The following PCDHA8 variants were observed in gnomAD, a reference collection of about 807,000 sequenced individuals.
PCDHA8 encodes the protein protocadherin alpha-8.
PCDHA8 carries 53 observed loss-of-function variants against 61.8 expected under a neutral mutation model. That is an observed-to-expected ratio of 0.86 (90% confidence interval 0.69 to 1.08). The LOEUF (loss-of-function observed/expected upper bound fraction) is 1.08. PCDHA8 is among the 50% of genes least tolerant of loss of function. PCDHA8 has a pLI of 0.00. For synonymous variants in PCDHA8, 618 were observed against 556.6 expected (o/e 1.11, Z -1.55); for missense variants, 1,293 against 1,245.0 (o/e 1.04, Z -0.58).
chr5:140,877,063 C>T (rs782051698), intron 1 of PCDHA8: 21 of 1,612,898 alleles, frequency 1.3e-5, no homozygotes, highest in East Asian at 2.2e-5. Context: ...GCTGGAGCTG[C>T]TGCAGTTCCA....
intron 1 of PCDHA8, chr5:140,858,071 C>A: frequency 6.3e-7 from 1 of 1,597,680 alleles, no homozygotes; most frequent in Non-Finnish European, 8.6e-7. Context: ...CAGCCAGGCA[C>A]CCAAGGCCTC....
intron 1 of PCDHA8, chr5:140,868,003 A>C (rs1166493353): frequency 6.6e-6 from 1 of 152,130 alleles, no homozygotes; most frequent in South Asian, 2.1e-4. Context: ...AATATAACTG[A>C]ATTAGATTAA....
At chr5:140,846,534 C>T (rs1554141358) in intron 1 of PCDHA8, among the ~76,000 whole-genome samples, 2 of 148,222 alleles carry the variant, frequency 1.3e-5, no homozygotes, top group African/African-American at 4.9e-5. Context: ...GCCACCATGC[C>T]CTGCTAATTT....
At chr5:140,883,522 A>G in intron 1 of PCDHA8, 1 of 1,614,220 alleles carries the variant, frequency 6.2e-7, no homozygotes, top group Middle Eastern at 1.7e-4. Flanking sequence ...GCGAGAGCGT[A>G]TCAGCCTATG....
chr5:140,972,978 A>G (rs1392208477), intron 1 of PCDHA8, among the ~76,000 whole-genome samples: 1 of 152,058 alleles, frequency 6.6e-6, no homozygotes, highest in African/African-American at 2.4e-5. Flanking sequence ...ACCAAATCTT[A>G]AGGTAGATTC....
Position 140,842,700 on chromosome 5 carries a change from A to G in PCDHA8, c.1379A>G (p.Tyr460Cys). Residue 460 changes from tyrosine to cysteine, a missense_variant, in exon 1 of 4, where the codon TAC (tyrosine) becomes TGC (cysteine). Tyr to Cys is a radical substitution (Grantham distance 194, BLOSUM62 -2). Transcript: ENST00000531613. ...GCTCCGGCGTTCGCGCAGCCCGAGT[A>G]CACGGTGTTCGTGAAGGAGAACAAC... The part of the protein sequence containing the change: ...DNAPAFAQPE[Y>C]TVFVKENNPP... 1 of 1,595,270 alleles carries G rather than the reference A, an allele frequency of 6.3e-7. No individual in the cohort carries two copies. Among genetic ancestry groups the G allele is most frequent in the Non-Finnish European group, 8.6e-7 (1 of 1,165,516 alleles).
intron 1 of PCDHA8, chr5:140,871,103 C>G (rs202137231): frequency 4.3e-6 from 7 of 1,613,290 alleles, no homozygotes; most frequent in South Asian, 2.2e-5. Flanking sequence ...GTGCTGGTGT[C>G]GTTGGTGGAG....
intron 1 of PCDHA8, chr5:140,969,487 T>C: frequency 6.8e-7 from 1 of 1,460,090 alleles, no homozygotes; most frequent in Non-Finnish European, 9.1e-7. Flanking sequence ...TAATCTGCTA[T>C]TTCCTCTCTA....
At chr5:140,886,615 C>A (rs1032902050) in intron 1 of PCDHA8, among the ~76,000 whole-genome samples, 2 of 152,028 alleles carry the variant, frequency 1.3e-5, no homozygotes, top group Admixed American at 1.3e-4. Flanking sequence ...ATCAGGAGAT[C>A]AGGAGTCCGA....
chr5:141,009,573 G>T, intron 3 of PCDHA8, 54 bp from the exon 4 acceptor site: 2 of 1,580,662 alleles, frequency 1.3e-6, no homozygotes, highest in South Asian at 1.2e-5. Context: ...CAGCAGTGTG[G>T]CATCAAGAGC....
chr5:140,869,577 T>C, intron 1 of PCDHA8: 2 of 1,614,188 alleles, frequency 1.2e-6, no homozygotes, highest in Non-Finnish European at 8.5e-7. Context: ...AGGGAGCTTC[T>C]GATGCTGACA....
chr5:140,857,146 C>G lies in PCDHA8; in HGVS notation c.2394+13431C>G, dbSNP rs1554149571. ...TGAAAGAAGATGCTCAAGTGGGCAC[C>G]GTCATTGCCCTAATCAGCGTTTCTG... On this transcript the variant is annotated intron_variant, in intron 1 of 3. Coordinates refer to ENST00000531613, the MANE Select transcript of PCDHA8 (RefSeq NM_018911.3). The G allele has an allele frequency of 1.9e-6, 3 of 1,598,132 alleles. 1 individual carries two copies. In the South Asian group the frequency reaches 3.3e-5, roughly 18 times the overall value.
At chr5:140,888,394 C>T (rs1554183448) in intron 1 of PCDHA8, among the ~76,000 whole-genome samples, 2 of 152,134 alleles carry the variant, frequency 1.3e-5, no homozygotes, top group African/African-American at 2.4e-5. Flanking sequence ...TGCTAAACAC[C>T]ATCCAATTGC....
In PCDHA8 at chr5:140,877,360, G is replaced by A. The variant is rs199937567; in HGVS notation, c.2394+33645G>A. Reference sequence around the variant, plus strand: ...GTTCCACGTGGGGCTGTACACTGGCGAGATCAGCACGACACGCATCCTGGA... The same window carrying A: ...GTTCCACGTGGGGCTGTACACTGGCAAGATCAGCACGACACGCATCCTGGA... On this transcript the variant is annotated intron_variant, in intron 1 of 3. Coordinates refer to ENST00000531613, the MANE Select transcript of PCDHA8 (RefSeq NM_018911.3). 63 of 1,614,022 alleles carry A rather than the reference G, an allele frequency of 3.9e-5. No individual in the cohort carries two copies. The highest frequency in any genetic ancestry group is 6.7e-5 in the Admixed American group (4 of 60,028).
chr5:140,917,483 G>C (rs1237773555), intron 1 of PCDHA8, among the ~76,000 whole-genome samples: 1 of 152,152 alleles, frequency 6.6e-6, no homozygotes, highest in Non-Finnish European at 1.5e-5. Flanking sequence ...CTTTGCCAGG[G>C]CCTATGCCCA....
chr5:140,968,506 G>T (rs781902536), intron 1 of PCDHA8: 2 of 1,614,176 alleles, frequency 1.2e-6, no homozygotes, highest in South Asian at 2.2e-5. Context: ...CTCACATTCT[G>T]TACCCTACCT....
In PCDHA8 at chr5:140,928,392, G is replaced by A. The variant is rs17844366; in HGVS notation, c.2395-50557G>A. 2.0e-4 allele frequency: 326 copies of A among 1,614,052 alleles called. No homozygotes were observed. The East Asian group carries it at 6.6e-3, about 32-fold the overall frequency. Reference sequence around the variant, plus strand: ...CATCAGCCTCTAGCTTGCTGGCAGTGGAATCATCCAGTGGGGCCATCACTG... The same window carrying A: ...CATCAGCCTCTAGCTTGCTGGCAGTAGAATCATCCAGTGGGGCCATCACTG... On this transcript the variant is annotated intron_variant, in intron 1 of 3. Transcript: ENST00000531613.
Position 140,856,043 on chromosome 5 carries a change from G to A in PCDHA8, c.2394+12328G>A. On this transcript the variant is annotated intron_variant, in intron 1 of 3. Coordinates refer to ENST00000531613, the MANE Select transcript of PCDHA8 (RefSeq NM_018911.3). The stretch of plus-strand genomic sequence containing the variant: ...TCGTCGATTTGTAAAACAAGAGAAG[G>A]ATAAGATGGTTTCCAGATGTAGCTG... The A allele has an allele frequency of 3.8e-6, 6 of 1,581,380 alleles. 1 individual carries two copies. The highest frequency in any genetic ancestry group is 5.2e-6 in the Non-Finnish European group (6 of 1,157,972).
At chr5:140,963,146 T>C (rs1230280019) in intron 1 of PCDHA8, among the ~76,000 whole-genome samples, 2 of 152,074 alleles carry the variant, frequency 1.3e-5, no homozygotes, top group African/African-American at 4.8e-5. Flanking sequence ...TTTGGATGAA[T>C]TTAAAAATGA....
Sources: allele counts gnomAD v4.1 joint callset (sites outside exome capture counted in the v4.1 genomes callset), GRCh38; gene constraint gnomAD v4.1.1; transcripts MANE v1.5; gene names NCBI Gene and HGNC (gene_info 2026-07-23, HGNC 2026-07-21).